Variants in SIPA1L1 observed in about 807,000 individuals in gnomAD.
SIPA1L1 encodes signal induced proliferation associated 1 like 1.
In SIPA1L1, 26 loss-of-function variants were observed where a neutral mutation model predicts 162.7. The ratio of observed to expected loss-of-function variants is 0.16; its 90% CI spans 0.12 to 0.22. The LOEUF is 0.22. SIPA1L1 is among the 10% of genes least tolerant of loss of function. SIPA1L1 has a pLI of 1.00. For synonymous variants in SIPA1L1, 829 were observed against 837.4 expected (o/e 0.99, Z 0.17); for missense variants, 1,874 against 2,241.0 (o/e 0.84, Z 3.31).
chr14:71,605,988 G>C (rs2037447223), intron 5 of SIPA1L1, among the ~76,000 whole-genome samples: 1 of 152,166 alleles, frequency 6.6e-6, no homozygotes, highest in African/African-American at 2.4e-5. Context: ...TAAGTGGTGT[G>C]CACTGGTGTT....
intron 4 of SIPA1L1, among the ~76,000 whole-genome samples, chr14:71,580,912 A>T (rs964330306): frequency 5.3e-5 from 8 of 152,176 alleles, no homozygotes; most frequent in African/African-American, 1.9e-4. Context: ...AATTACTCAT[A>T]ATCAAAAGAC....
At chr14:71,560,445 G>A (rs1259685022) in intron 4 of SIPA1L1, among the ~76,000 whole-genome samples, 1 of 152,170 alleles carries the variant, frequency 6.6e-6, no homozygotes, top group Non-Finnish European at 1.5e-5. Context: ...ATGTACTCCA[G>A]GAGGAAGAAG....
intron 2 of SIPA1L1, among the ~76,000 whole-genome samples, chr14:71,451,319 A>G (rs1382810579): frequency 6.6e-6 from 1 of 152,152 alleles, no homozygotes; most frequent in Non-Finnish European, 1.5e-5. Flanking sequence ...GAATAAATTA[A>G]TAGATAAGTT....
chr14:71,551,790 C>T (rs925163928), intron 4 of SIPA1L1, among the ~76,000 whole-genome samples: 1 of 152,164 alleles, frequency 6.6e-6, no homozygotes. Flanking sequence ...ACCTTGGACA[C>T]GCTGTTTGCT....
intron 13 of SIPA1L1, among the ~76,000 whole-genome samples, chr14:71,686,859 G>A (rs1380015769): frequency 6.6e-6 from 1 of 152,214 alleles, no homozygotes; most frequent in African/African-American, 2.4e-5. Flanking sequence ...GAGGGTCCAT[G>A]TGGAAGCCAA....
chr14:71,387,539 G>GGT (rs1272815353), intron 2 of SIPA1L1, among the ~76,000 whole-genome samples: 1 of 152,118 alleles, frequency 6.6e-6, no homozygotes, highest in Non-Finnish European at 1.5e-5. Context: ...AGCCAAGAAA[G>GGT]GTGTGTGTGT....
At position 71,666,866 on chromosome 14, in the gene SIPA1L1, T is replaced by C. The variant is rs1012155754; in HGVS notation, c.2256-4253T>C. On this transcript the variant is annotated intron_variant, in intron 10 of 23. Coordinates refer to ENST00000381232, the MANE Select transcript of SIPA1L1 (RefSeq NM_001386936.1). ...GTCTGTGTTCATCCTCTTTCCTCTCTGTAAAAAAAAAAAAAAAAAAAAAAG... is the reference window on the plus strand; with the variant it reads ...GTCTGTGTTCATCCTCTTTCCTCTCCGTAAAAAAAAAAAAAAAAAAAAAAG... 3.9e-4 allele frequency among the ~76,000 whole-genome samples: 55 copies of C among 139,344 alleles called. 1 individual carries two copies. Among genetic ancestry groups the C allele is most frequent in the African/African-American group, 1.4e-3 (53 of 37,284 alleles). 91.4% of individuals were successfully genotyped at this position (139,344 alleles called of 152,430 possible). A position where few individuals can be genotyped will look rare whatever the true frequency, so the allele number is the denominator to read the frequency against.
At chr14:71,501,341 A>T (rs2050198515) in intron 2 of SIPA1L1, among the ~76,000 whole-genome samples, 1 of 151,982 alleles carries the variant, frequency 6.6e-6, no homozygotes. Context: ...AATAAATAAA[A>T]ATAAATATAT....
chr14:71,545,909 T>C (rs531820794), intron 4 of SIPA1L1, among the ~76,000 whole-genome samples: 18 of 152,266 alleles, frequency 1.2e-4, no homozygotes, highest in African/African-American at 4.3e-4. Flanking sequence ...AAGACCAGCC[T>C]GGGCAACACA....
intron 4 of SIPA1L1, among the ~76,000 whole-genome samples, chr14:71,562,804 C>A (rs2056898773): frequency 6.6e-6 from 1 of 152,182 alleles, no homozygotes; most frequent in Non-Finnish European, 1.5e-5. Context: ...CAGGCACCTG[C>A]CACCACACCC....
At chr14:71,439,264 AAGTC>A (rs1488156301) in intron 2 of SIPA1L1, among the ~76,000 whole-genome samples, 1 of 152,144 alleles carries the variant, frequency 6.6e-6, no homozygotes, top group Non-Finnish European at 1.5e-5. Flanking sequence ...AGGAGGGGGA[AAGTC>A]AGTATTTAAT....
intron 2 of SIPA1L1, among the ~76,000 whole-genome samples, chr14:71,362,068 C>T (rs1034211063): frequency 1.3e-5 from 2 of 152,146 alleles, no homozygotes; most frequent in African/African-American, 2.4e-5. Flanking sequence ...TCTCTGTTGG[C>T]GGCCCGTCAT....
At chr14:71,352,800 A>T (rs1398588676) in intron 2 of SIPA1L1, among the ~76,000 whole-genome samples, 1 of 152,190 alleles carries the variant, frequency 6.6e-6, no homozygotes, top group Admixed American at 6.5e-5. Flanking sequence ...AAGTGATTAT[A>T]TTGATTTGTA....
chr14:71,406,047 A>G (rs1595277308), intron 2 of SIPA1L1, among the ~76,000 whole-genome samples: 2 of 152,212 alleles, frequency 1.3e-5, no homozygotes, highest in African/African-American at 2.4e-5. Context: ...AGAGATAACA[A>G]TGGCTTCAAC....
At chr14:71,538,615 G>A (rs1046538229) in intron 4 of SIPA1L1, among the ~76,000 whole-genome samples, 3 of 152,140 alleles carry the variant, frequency 2.0e-5, no homozygotes, top group Admixed American at 6.6e-5. Context: ...TTGTAATAGC[G>A]GCAGGGTCAT....
At chr14:71,704,892 A>G in intron 15 of SIPA1L1, 3 of 739,084 alleles carry the variant, frequency 4.1e-6, no homozygotes, top group South Asian at 1.6e-5. Context: ...AATGAATTTC[A>G]TAAATTTAAT....
intron 2 of SIPA1L1, among the ~76,000 whole-genome samples, chr14:71,447,801 T>C (rs1441095119): frequency 6.6e-6 from 1 of 152,106 alleles, no homozygotes; most frequent in East Asian, 1.9e-4. Flanking sequence ...ACTCCTGAGC[T>C]CTGGCAATCC....
At chr14:71,329,867 G>T (rs1490003526) in intron 2 of SIPA1L1, among the ~76,000 whole-genome samples, 1 of 152,032 alleles carries the variant, frequency 6.6e-6, no homozygotes, top group East Asian at 1.9e-4. Context: ...TCAGCATTGT[G>T]TTTTACTTTT....
At chr14:71,444,928 G>A (rs1367091789) in intron 2 of SIPA1L1, among the ~76,000 whole-genome samples, 1 of 152,216 alleles carries the variant, frequency 6.6e-6, no homozygotes, top group East Asian at 1.9e-4. Context: ...GTGCCTAGAA[G>A]AGACAGTTCC....
Sources: gnomAD v4.1 joint callset for allele counts (sites outside exome capture counted in the v4.1 genomes callset) on GRCh38, gnomAD v4.1.1 for gene constraint, MANE v1.5 for transcripts, NCBI Gene and HGNC (gene_info 2026-07-23, HGNC 2026-07-21) for gene names.